NTM: variants seen among roughly 807,000 people sequenced by gnomAD.
The protein encoded by NTM is IgLON family member 2.
In NTM, 13 loss-of-function variants were observed where a neutral mutation model predicts 42.1. The observed-to-expected ratio is 0.31, with a 90% CI of 0.20 to 0.49. The LOEUF (loss-of-function observed/expected upper bound fraction) is 0.49, where lower values mean the gene tolerates loss of function less well. Among genes scored for constraint, NTM ranks in the 20% least tolerant of loss-of-function variants. The probability of loss-of-function intolerance (pLI) is 0.99; values close to 1 mark genes in which losing one functional copy is unlikely to be tolerated. For synonymous variants in NTM, 187 were observed against 179.2 expected (o/e 1.04, Z -0.35); for missense variants, 373 against 452.8 (o/e 0.82, Z 1.60).
intron 4 of NTM, among the ~76,000 whole-genome samples, chr11:132,293,403 G>C (rs1195946567): frequency 6.6e-6 from 1 of 152,168 alleles, no homozygotes; most frequent in Non-Finnish European, 1.5e-5. Context: ...CTGAGTATGA[G>C]AGTGAGGTGG....
At chr11:132,221,615 A>AGGGT (rs1243553835) in intron 4 of NTM, among the ~76,000 whole-genome samples, 1 of 152,154 alleles carries the variant, frequency 6.6e-6, no homozygotes, top group East Asian at 1.9e-4. Context: ...GACAGCTGTA[A>AGGGT]GGGTGGGGTC....
intron 2 of NTM, among the ~76,000 whole-genome samples, chr11:132,138,510 C>T (rs4132952): frequency 0.32 from 48,949 of 151,828 alleles, 8,511 homozygotes; most frequent in Non-Finnish European, 0.39. Context: ...ATGTCATGTT[C>T]GAAGCAGTGT....
intron 7 of NTM, among the ~76,000 whole-genome samples, chr11:132,320,954 C>T (rs542202504): frequency 3.3e-5 from 5 of 151,216 alleles, no homozygotes; most frequent in Admixed American, 2.0e-4. Context: ...AACAGACCTG[C>T]AGCTGAGGGT....
At chr11:131,803,131 TC>T (rs60350676) in intron 1 of NTM, among the ~76,000 whole-genome samples, 6,230 of 152,224 alleles carry the variant, frequency 0.041, 446 homozygotes, top group African/African-American at 0.14. Flanking sequence ...CAGGAGGTCA[TC>T]CTCATTCAAT....
chr11:131,565,620 T>C (rs1023463232), intron 1 of NTM, among the ~76,000 whole-genome samples: 2 of 152,350 alleles, frequency 1.3e-5, no homozygotes, highest in East Asian at 3.9e-4. Flanking sequence ...GGATGCATAA[T>C]TGAGTGAGCA....
At chr11:131,941,085 A>G (rs771925379) in intron 2 of NTM, among the ~76,000 whole-genome samples, 3 of 152,246 alleles carry the variant, frequency 2.0e-5, no homozygotes, top group Non-Finnish European at 4.4e-5. Flanking sequence ...GAGGGTAATG[A>G]GATGACAGGC....
chr11:131,822,218 T>TC (rs1229263716), intron 1 of NTM, among the ~76,000 whole-genome samples: 1 of 152,086 alleles, frequency 6.6e-6, no homozygotes, highest in Admixed American at 6.5e-5. Flanking sequence ...CTTTATCCAC[T>TC]CCCCTCTCCT....
chr11:132,108,479 C>T (rs980914428), intron 2 of NTM, among the ~76,000 whole-genome samples: 17 of 152,064 alleles, frequency 1.1e-4, no homozygotes, highest in African/African-American at 4.1e-4. Context: ...GGGAGCTAAA[C>T]TCTGAGGACG....
chr11:131,860,694 A>AGGCC (rs2046540186), intron 1 of NTM, among the ~76,000 whole-genome samples: 1 of 152,226 alleles, frequency 6.6e-6, no homozygotes, highest in African/African-American at 2.4e-5. Context: ...AGGACCAACC[A>AGGCC]TGCAAGCAGG....
At chr11:132,327,626 C>G (rs2095710874) in intron 7 of NTM, among the ~76,000 whole-genome samples, 3 of 152,186 alleles carry the variant, frequency 2.0e-5, no homozygotes, top group Admixed American at 1.3e-4. Context: ...AGACAACAGC[C>G]CTTTGCTTAT....
chr11:131,828,835 A>T (rs1290336969), intron 1 of NTM, among the ~76,000 whole-genome samples: 2 of 152,200 alleles, frequency 1.3e-5, no homozygotes, highest in Non-Finnish European at 2.9e-5. Context: ...CCACTTTAAA[A>T]ATTGAAACTC....
chr11:131,861,243 G>T (rs903841430), intron 1 of NTM, among the ~76,000 whole-genome samples: 1 of 152,260 alleles, frequency 6.6e-6, no homozygotes, highest in African/African-American at 2.4e-5. Flanking sequence ...ATAAAAAGAA[G>T]GCTGTACGGT....
At chr11:131,909,334 C>T (rs540083459) in intron 1 of NTM, among the ~76,000 whole-genome samples, 9 of 152,088 alleles carry the variant, frequency 5.9e-5, no homozygotes, top group Non-Finnish European at 8.8e-5. Context: ...TGGTACTGCT[C>T]GAAGGTTGCC....
At chr11:132,326,467 C>G (rs1269366164) in intron 7 of NTM, among the ~76,000 whole-genome samples, 1 of 152,172 alleles carries the variant, frequency 6.6e-6, no homozygotes, top group Non-Finnish European at 1.5e-5. Context: ...GTTACTTTAC[C>G]TGGTCACTGA....
chr11:131,388,948 G>T (rs551603982), intron 1 of NTM, among the ~76,000 whole-genome samples: 2 of 146,376 alleles, frequency 1.4e-5, no homozygotes, highest in South Asian at 2.1e-4. Flanking sequence ...GCAGGCAGAG[G>T]TTGCAGTGAG....
intron 2 of NTM, among the ~76,000 whole-genome samples, chr11:131,928,112 T>C (rs1177602248): frequency 6.6e-6 from 1 of 152,004 alleles, no homozygotes; most frequent in East Asian, 1.9e-4. Flanking sequence ...ACAAAAATCA[T>C]CACCATAATA....
At chr11:131,945,333 T>C (rs2060229688) in intron 2 of NTM, among the ~76,000 whole-genome samples, 1 of 152,150 alleles carries the variant, frequency 6.6e-6, no homozygotes, top group African/African-American at 2.4e-5. Flanking sequence ...ATGCCTGAAC[T>C]CCACAGCGCT....
At chr11:131,453,871 C>T (rs1195246971) in intron 1 of NTM, among the ~76,000 whole-genome samples, 2 of 152,178 alleles carry the variant, frequency 1.3e-5, no homozygotes, top group East Asian at 3.8e-4. Flanking sequence ...GGCTGAAGAG[C>T]CTTTAGGTGT....
intron 4 of NTM, among the ~76,000 whole-genome samples, chr11:132,307,317 T>C (rs2095123969): frequency 6.6e-6 from 1 of 152,196 alleles, no homozygotes; most frequent in African/African-American, 2.4e-5. Context: ...TCAGTCTAAG[T>C]GATACCTTGA....
Sources: allele counts gnomAD v4.1 joint callset (sites outside exome capture counted in the v4.1 genomes callset), GRCh38; gene constraint gnomAD v4.1.1; transcripts MANE v1.5; gene names NCBI Gene and HGNC (gene_info 2026-07-23, HGNC 2026-07-21).